The following CNTN1 variants were observed in gnomAD, a reference collection of about 807,000 sequenced individuals.
CNTN1 encodes contactin-1.
A neutral mutation model predicts 126.4 loss-of-function variants in CNTN1; 38 were observed. The observed-to-expected ratio is 0.30, with a 90% CI of 0.23 to 0.39. The LOEUF (loss-of-function observed/expected upper bound fraction) is 0.39. Ranked by LOEUF, CNTN1 falls within the 10% of genes least tolerant of loss-of-function variation. The probability of loss-of-function intolerance (pLI) is 1.00; values close to 1 mark genes in which losing one functional copy is unlikely to be tolerated. For synonymous variants in CNTN1, 413 were observed against 422.6 expected (o/e 0.98, Z 0.28); for missense variants, 1,009 against 1,248.4 (o/e 0.81, Z 2.89).
Position 41,052,537 on chromosome 12 carries a change from T to C in CNTN1, c.2981-17422T>C, listed in dbSNP as rs114742357. 4.0e-3 allele frequency among the ~76,000 whole-genome samples: 605 copies of C among 152,274 alleles called. 7 individuals are homozygous for C. Among genetic ancestry groups the C allele is most frequent in the African/African-American group, 0.014 (581 of 41,564 alleles). ...TTGTATCATGTTTCCTAACTTTATCTTTTTTCCTCTCAATTTTCTTATTTG... is the reference window on the plus strand; with the variant it reads ...TTGTATCATGTTTCCTAACTTTATCCTTTTTCCTCTCAATTTTCTTATTTG... On this transcript the variant is annotated intron_variant, in intron 23 of 23. Coordinates refer to ENST00000551295, the MANE Select transcript of CNTN1 (RefSeq NM_001843.4).
At chr12:40,952,726 T>C (rs1436753341) in intron 14 of CNTN1, among the ~76,000 whole-genome samples, 1 of 152,106 alleles carries the variant, frequency 6.6e-6, no homozygotes, top group African/African-American at 2.4e-5. Context: ...CTGCTGTTAG[T>C]AGAGTTGGTG....
At chr12:41,014,938 A>T (rs35862989) in intron 18 of CNTN1, among the ~76,000 whole-genome samples, 9,295 of 152,286 alleles carry the variant, frequency 0.061, 333 homozygotes, top group Middle Eastern at 0.12. Flanking sequence ...GACATCTGGC[A>T]TTTATCCAGA....
intron 15 of CNTN1, among the ~76,000 whole-genome samples, chr12:40,966,435 G>A (rs1402305910): frequency 6.6e-6 from 1 of 152,026 alleles, no homozygotes; most frequent in East Asian, 1.9e-4. Flanking sequence ...TTCCCACTGA[G>A]AATCAACAAA....
intron 1 of CNTN1, among the ~76,000 whole-genome samples, chr12:40,791,195 A>G (rs139035641): frequency 6.6e-6 from 1 of 152,096 alleles, no homozygotes; most frequent in Non-Finnish European, 1.5e-5. Context: ...TTTGTTTTAT[A>G]TTTTAGCAAA....
intron 23 of CNTN1, among the ~76,000 whole-genome samples, chr12:41,068,350 A>G (rs3794251): frequency 0.083 from 12,654 of 152,070 alleles, 798 homozygotes; most frequent in African/African-American, 0.17. Flanking sequence ...AGTAATGATA[A>G]GTTTACTATT....
intron 1 of CNTN1, among the ~76,000 whole-genome samples, chr12:40,770,128 A>G (rs535023250): frequency 8.5e-5 from 13 of 152,154 alleles, no homozygotes; most frequent in Non-Finnish European, 1.0e-4. Context: ...TTTGTTAAAT[A>G]CTACCAAATC....
chr12:40,936,503 C>A (rs1409495783), intron 9 of CNTN1, among the ~76,000 whole-genome samples: 1 of 152,040 alleles, frequency 6.6e-6, no homozygotes, highest in Middle Eastern at 3.2e-3. Flanking sequence ...AGAAAAAAAT[C>A]AGTTATTTTA....
chr12:41,066,293 G>T (rs1246352940), intron 23 of CNTN1, among the ~76,000 whole-genome samples: 3 of 152,156 alleles, frequency 2.0e-5, no homozygotes, highest in Non-Finnish European at 4.4e-5. Flanking sequence ...GTTCCTAGAA[G>T]TTAGAGAGAT....
intron 14 of CNTN1, among the ~76,000 whole-genome samples, chr12:40,946,352 G>A (rs1946433579): frequency 6.6e-6 from 1 of 152,062 alleles, no homozygotes; most frequent in Non-Finnish European, 1.5e-5. Context: ...AAATCTTAGT[G>A]AATATATATA....
chr12:40,784,911 T>G (rs1036382400), intron 1 of CNTN1, among the ~76,000 whole-genome samples: 5 of 152,156 alleles, frequency 3.3e-5, no homozygotes, highest in Admixed American at 1.3e-4. Flanking sequence ...CCTCAACTGA[T>G]ACTTTTGTGT....
intron 1 of CNTN1, among the ~76,000 whole-genome samples, chr12:40,906,250 G>A (rs554476583): frequency 1.3e-5 from 2 of 152,194 alleles, no homozygotes; most frequent in Admixed American, 6.5e-5. Context: ...CAGACTGGGC[G>A]ACAGAGAGAG....
chr12:40,940,717 AG>A (rs1565996865), intron 12 of CNTN1, among the ~76,000 whole-genome samples: 2 of 152,174 alleles, frequency 1.3e-5, no homozygotes, highest in African/African-American at 4.8e-5. Flanking sequence ...ATGGGGCAAG[AG>A]GGCAGGGACA....
At position 40,936,975 on chromosome 12, in the gene CNTN1, T is replaced by TA. The variant is rs1384170843; in HGVS notation, c.1110+73dup. 4.4e-6 allele frequency: 7 copies of TA among 1,592,660 alleles called. No individual in the cohort carries two copies. In the South Asian group the frequency reaches 4.4e-5, roughly 10 times the overall value. On this transcript the variant is annotated intron_variant, in intron 10 of 23. Coordinates refer to ENST00000551295, the MANE Select transcript of CNTN1 (RefSeq NM_001843.4). ...GCAGTGTTTCAGGGTAGTCCTGGGATAAATTTAGCAGGAGAGACAATACAG... is the reference window on the plus strand; with the variant it reads ...GCAGTGTTTCAGGGTAGTCCTGGGATAAAATTTAGCAGGAGAGACAATACAG...
chr12:40,700,378 T>C (rs1941564576), intron 1 of CNTN1, among the ~76,000 whole-genome samples: 1 of 151,952 alleles, frequency 6.6e-6, no homozygotes, highest in Admixed American at 6.6e-5. Context: ...ATACAAAAAT[T>C]AGCTGGGCAT....
At chr12:40,737,564 T>G (rs1338818705) in intron 1 of CNTN1, among the ~76,000 whole-genome samples, 1 of 151,486 alleles carries the variant, frequency 6.6e-6, no homozygotes, top group African/African-American at 2.4e-5. Flanking sequence ...AGTCTCTCCT[T>G]TCACTTTTTT....
rs59713493 is a variant in CNTN1, at chr12:40,950,097, G to GGTGTGTGT, written c.1683+5966_1683+5973dup. On this transcript the variant is annotated intron_variant, in intron 14 of 23. Transcript: ENST00000551295. ...ATCACAACTGTAGAGGTGTTGAGAGGGTGTGTGTGTGTGTGTGTGTGTGTG... is the reference window on the plus strand; with the variant it reads ...ATCACAACTGTAGAGGTGTTGAGAGGGTGTGTGTGTGTGTGTGTGTGTGTGTGTGTGTG... Among the ~76,000 whole-genome samples the GGTGTGTGT allele has an allele frequency of 1.3e-3, 186 of 145,334 alleles. 2 individuals carry two copies. The highest frequency in any genetic ancestry group is 5.4e-3 in the South Asian group (24 of 4,430).
In CNTN1 at chr12:40,888,858, C is replaced by T. The variant is rs1018741342; in HGVS notation, c.-76-19499C>T. The stretch of plus-strand genomic sequence containing the variant: ...GAGAGTTGCAGCAAAAGGAAGAGAT[C>T]CTTTCCCCTGATTTAGCATCTAGGA... On this transcript the variant is annotated intron_variant, in intron 1 of 23. Coordinates refer to ENST00000551295, the MANE Select transcript of CNTN1 (RefSeq NM_001843.4). Among the ~76,000 whole-genome samples the T allele has an allele frequency of 3.3e-5, 5 of 152,158 alleles. 1 individual carries two copies. Among genetic ancestry groups the T allele is most frequent in the African/African-American group, 1.2e-4 (5 of 41,436 alleles).
intron 1 of CNTN1, among the ~76,000 whole-genome samples, chr12:40,792,109 A>G (rs1229023617): frequency 6.6e-6 from 1 of 152,110 alleles, no homozygotes; most frequent in African/African-American, 2.4e-5. Context: ...TGGAGCACTG[A>G]TCATGCAGGA....
intron 1 of CNTN1, among the ~76,000 whole-genome samples, chr12:40,816,959 G>A (rs1941275533): frequency 6.6e-6 from 1 of 152,158 alleles, no homozygotes; most frequent in South Asian, 2.1e-4. Context: ...GTGTAGTTTT[G>A]TGTGAGTTTC....
Sources: gnomAD v4.1 joint callset for allele counts (sites outside exome capture counted in the v4.1 genomes callset) on GRCh38, gnomAD v4.1.1 for gene constraint, MANE v1.5 for transcripts, NCBI Gene and HGNC (gene_info 2026-07-23, HGNC 2026-07-21) for gene names.